The following PAPOLG variants were observed in gnomAD, a reference collection of about 807,000 sequenced individuals.
The protein encoded by PAPOLG is poly(A) polymerase gamma.
In PAPOLG, 40 loss-of-function variants were observed where a neutral mutation model predicts 99.0. The observed-to-expected ratio is 0.40, with a 90% CI of 0.31 to 0.53. The LOEUF is 0.53. PAPOLG is among the 20% of genes least tolerant of loss of function. PAPOLG has a pLI of 0.41. For synonymous variants in PAPOLG, 310 were observed against 299.3 expected, an observed-to-expected ratio of 1.04 and a Z score of -0.37; for missense variants, 675 against 884.1, an observed-to-expected ratio of 0.76 and a Z score of 3.00.
At chr2:60,788,969 G>T (rs371277438) in intron 15 of PAPOLG, among the ~76,000 whole-genome samples, 4 of 152,296 alleles carry the variant, frequency 2.6e-5, no homozygotes, top group African/African-American at 9.6e-5. Flanking sequence ...TCTCCAGCCT[G>T]GGTGACAAAG....
chr2:60,795,237 C>A, intron 21 of PAPOLG: 3 of 650,912 alleles, frequency 4.6e-6, no homozygotes, highest in Non-Finnish European at 5.6e-6. Context: ...TAGTTTAAGA[C>A]AACTTTATTA....
chr2:60,773,415 C>T (rs1014995378), intron 7 of PAPOLG, among the ~76,000 whole-genome samples: 2 of 152,062 alleles, frequency 1.3e-5, no homozygotes, highest in African/African-American at 4.8e-5. Context: ...TGGTCTTTTG[C>T]GTAAGGGTTC....
chr2:60,797,386 C>T lies in PAPOLG; in HGVS notation c.*226C>T, dbSNP rs1024734357. On this transcript the variant is annotated 3_prime_UTR_variant, in exon 22 of 22. Transcript: ENST00000238714. ...CACTTCTCTGAGGATCACCTGCTGT[C>T]AAATTGCCATCTACAGTATTACAGC... 4 of 548,070 alleles carry T rather than the reference C, an allele frequency of 7.3e-6. No individual in the cohort carries two copies. Among genetic ancestry groups the T allele is most frequent in the Non-Finnish European group, 9.7e-6 (3 of 310,692 alleles). 34.0% of individuals were successfully genotyped at this position (548,070 alleles called of 1,614,324 possible).
chr2:60,794,825 T>G, intron 20 of PAPOLG, 50 bp downstream of exon 20: 1 of 1,550,196 alleles, frequency 6.5e-7, no homozygotes, highest in Admixed American at 1.7e-5. Context: ...AAGCGCCATG[T>G]ATCAGGAAAA....
chr2:60,794,406 T>A, intron 19 of PAPOLG: 1 of 615,072 alleles, frequency 1.6e-6, no homozygotes, highest in Non-Finnish European at 2.7e-6. Flanking sequence ...CTCCTTGATT[T>A]ACAGAAGTCA....
chr2:60,792,644 T>C lies in PAPOLG; in HGVS notation c.1679+355T>C, dbSNP rs999480300. On this transcript the variant is annotated intron_variant, in intron 17 of 21. Coordinates refer to ENST00000238714, the MANE Select transcript of PAPOLG (RefSeq NM_022894.4). The stretch of plus-strand genomic sequence containing the variant: ...GCACGGTGGCTCAGGCCTGTAATCC[T>C]AGCACTTTGAGAGGTCACGGCAGGC... Among the ~76,000 whole-genome samples, 51 of 152,144 alleles carry C rather than the reference T, an allele frequency of 3.4e-4. 1 individual carries two copies. Among genetic ancestry groups the C allele is most frequent in the Admixed American group, 3.3e-3 (51 of 15,274 alleles).
Position 60,775,096 on chromosome 2 carries a change from C to T in PAPOLG, c.667C>T (p.Leu223=). The T allele has an allele frequency of 6.2e-7, 1 of 1,612,306 alleles. No homozygotes were observed. The highest frequency in any genetic ancestry group is 2.2e-5 in the East Asian group (1 of 44,798). Reference sequence around the variant, plus strand: ...AAATAAAGAAACTTTTAGACTCACCCTAAGAGCTGTCAAATTATGGGCAAA... The same window carrying T: ...AAATAAAGAAACTTTTAGACTCACCTTAAGAGCTGTCAAATTATGGGCAAA... The part of the protein sequence containing the change: ...VPNKETFRLT[L]RAVKLWAKRR... Residue 223 remains leucine (L), a synonymous_variant, in exon 8 of 22, where the codon CTA becomes TTA. Coordinates refer to ENST00000238714, the MANE Select transcript of PAPOLG (RefSeq NM_022894.4).
rs375314398 is a variant in PAPOLG, at chr2:60,782,333, G to A, written c.1027+328G>A. 2.0e-3 allele frequency among the ~76,000 whole-genome samples: 299 copies of A among 152,194 alleles called. 10 individuals are homozygous for A. In the South Asian group the frequency reaches 0.055, roughly 28 times the overall value. On this transcript the variant is annotated intron_variant, in intron 11 of 21. Coordinates refer to ENST00000238714, the MANE Select transcript of PAPOLG (RefSeq NM_022894.4). Reference sequence around the variant, plus strand: ...TATAATCCTAGCACTTTGGGAGGCCGAGGCGAGCAGATGACCTGAGGTCAG... The same window carrying A: ...TATAATCCTAGCACTTTGGGAGGCCAAGGCGAGCAGATGACCTGAGGTCAG...
chr2:60,792,300 A>C lies in PAPOLG; in HGVS notation c.1679+11A>C, dbSNP rs1171167317. 2 of 1,582,010 alleles carry C rather than the reference A, an allele frequency of 1.3e-6. No homozygotes were observed. Among genetic ancestry groups the C allele is most frequent in the Non-Finnish European group, 1.7e-6 (2 of 1,166,024 alleles). On this transcript the variant is annotated intron_variant, in intron 17 of 21. Transcript: ENST00000238714. ...AGGAGAAACAGAAAGGTCTGTCTTT[A>C]TTTCAAATGTGTCCTTTTGGTTTTC...
intron 3 of PAPOLG, among the ~76,000 whole-genome samples, chr2:60,766,443 C>T (rs907520800): frequency 5.3e-5 from 8 of 151,942 alleles, no homozygotes; most frequent in Non-Finnish European, 1.5e-5. Context: ...ACAGGAGGAT[C>T]GCTTTAAAAC....
intron 7 of PAPOLG, among the ~76,000 whole-genome samples, chr2:60,774,014 A>G (rs1265076599): frequency 1.3e-5 from 2 of 151,876 alleles, no homozygotes; most frequent in Non-Finnish European, 2.9e-5. Context: ...TTCTTTCCCC[A>G]CCTTTATTTT....
In PAPOLG at chr2:60,801,740, C is replaced by T. The variant is rs569837292; in HGVS notation, c.*4580C>T. 14 of 152,276 alleles carry T rather than the reference C, an allele frequency of 9.2e-5. No individual in the cohort carries two copies. The East Asian group carries it at 2.7e-3, about 29-fold the overall frequency. The allele number at this position is 152,276 out of a possible 1,614,324, so 9.4% of individuals were successfully genotyped here. On this transcript the variant is annotated 3_prime_UTR_variant, in exon 22 of 22. Transcript: ENST00000238714. ...AGGCGTGAGCCACCGTGCCCAGCCC[C>T]TATTTTTTCTGAAATAATTTTTCGG...
chr2:60,785,882 C>A (rs541096152), intron 13 of PAPOLG, among the ~76,000 whole-genome samples: 1 of 152,072 alleles, frequency 6.6e-6, no homozygotes, highest in East Asian at 1.9e-4. Flanking sequence ...GAAAAAGATT[C>A]AGGACTAGAT....
chr2:60,772,899 A>G (rs1670897845), intron 7 of PAPOLG, among the ~76,000 whole-genome samples: 2 of 151,862 alleles, frequency 1.3e-5, no homozygotes, highest in Non-Finnish European at 2.9e-5. Context: ...ACATACCATT[A>G]TACACCTCAC....
At position 60,782,717 on chromosome 2, in the gene PAPOLG, A is replaced by G; in HGVS notation, c.1059A>G (p.Gly353=). The change falls in exon 12 of 22, where the codon GGA becomes GGG. Residue 353 remains glycine, a synonymous_variant. Coordinates refer to ENST00000238714, the MANE Select transcript of PAPOLG (RefSeq NM_022894.4). ...GLAVTDEILQ[G]KSDWSKLLEP... is the part of the protein sequence containing the mutation. ...CAGTCACAGATGAAATTCTTCAAGG[A>G]AAGTCAGATTGGTCCAAACTACTTG... 6.4e-7 allele frequency: 1 copy of G among 1,554,476 alleles called. No homozygotes were observed. Among genetic ancestry groups the G allele is most frequent in the Non-Finnish European group, 8.6e-7 (1 of 1,160,558 alleles).
chr2:60,777,953 A>C (rs2103792993), intron 8 of PAPOLG, among the ~76,000 whole-genome samples: 1 of 152,342 alleles, frequency 6.6e-6, no homozygotes. Context: ...ATAATAATGA[A>C]AAAGTTTGAA....
intron 17 of PAPOLG, 51 bp from the exon 18 acceptor site, chr2:60,793,573 GAAA>G: frequency 6.3e-7 from 1 of 1,588,492 alleles, no homozygotes; most frequent in Non-Finnish European, 8.6e-7. Context: ...CAAAAAAGGA[GAAA>G]AAAAGTAATA....
intron 9 of PAPOLG, 99 bp from the exon 10 acceptor site, chr2:60,780,608 T>A (rs1241081954): frequency 1.6e-6 from 2 of 1,264,886 alleles, no homozygotes; most frequent in Admixed American, 4.0e-5. Flanking sequence ...ACCCAGAACA[T>A]TCACTCTGTA....
At chr2:60,788,715 G>A (rs1671440689) in intron 15 of PAPOLG, among the ~76,000 whole-genome samples, 1 of 152,160 alleles carries the variant, frequency 6.6e-6, no homozygotes, top group African/African-American at 2.4e-5. Context: ...ATTTTTGCCA[G>A]GCACGGTGGC....
Sources: allele counts gnomAD v4.1 joint callset (sites outside exome capture counted in the v4.1 genomes callset), GRCh38; gene constraint gnomAD v4.1.1; transcripts MANE v1.5; gene names NCBI Gene and HGNC (gene_info 2026-07-23, HGNC 2026-07-21).